The following CACNA1C variants were observed in gnomAD, a reference collection of about 807,000 sequenced individuals.
The protein encoded by CACNA1C is calcium voltage-gated channel subunit alpha1 C, also known as voltage-dependent L-type calcium channel subunit alpha-1C.
Under a neutral mutation model 229.0 loss-of-function variants are expected in CACNA1C, and 30 were observed. The observed-to-expected ratio is 0.13, with a 90% CI of 0.10 to 0.18. The LOEUF (loss-of-function observed/expected upper bound fraction) is 0.18, where lower values mean the gene tolerates loss of function less well. Among genes scored for constraint, CACNA1C ranks in the 10% least tolerant of loss-of-function variants. CACNA1C has a pLI of 1.00. For missense variants in CACNA1C, 1,658 were observed against 2,845.0 expected (o/e 0.58, Z 9.49); for synonymous variants, 1,114 against 1,132.5 (o/e 0.98, Z 0.33).
intron 1 of CACNA1C, among the ~76,000 whole-genome samples, chr12:1,989,283 G>A (rs533212238): frequency 6.6e-6 from 1 of 152,328 alleles, no homozygotes; most frequent in Non-Finnish European, 1.5e-5. Context: ...TTGCAATGAG[G>A]CTATGACCAA....
intron 3 of CACNA1C, among the ~76,000 whole-genome samples, chr12:2,312,421 C>T (rs2095486794): frequency 6.6e-6 from 1 of 152,130 alleles, no homozygotes; most frequent in Admixed American, 6.5e-5. Context: ...AGGCAACACC[C>T]ACAACAAAGC....
intron 4 of CACNA1C, among the ~76,000 whole-genome samples, chr12:2,451,539 G>T (rs2099369753): frequency 6.6e-6 from 1 of 152,216 alleles, no homozygotes; most frequent in Admixed American, 6.5e-5. Flanking sequence ...CGGGGGAGCA[G>T]AGACAAGAAA....
intron 3 of CACNA1C, among the ~76,000 whole-genome samples, chr12:2,399,612 CCTT>C (rs1229786234): frequency 6.6e-6 from 1 of 152,234 alleles, no homozygotes; most frequent in Non-Finnish European, 1.5e-5. Context: ...TCTCTTCTCT[CCTT>C]CTCTGCCACG....
At chr12:2,260,211 T>A (rs1315690037) in intron 3 of CACNA1C, among the ~76,000 whole-genome samples, 1 of 152,056 alleles carries the variant, frequency 6.6e-6, no homozygotes, top group East Asian at 1.9e-4. Context: ...GTACTGTGGC[T>A]CTCACTGGTT....
intron 3 of CACNA1C, among the ~76,000 whole-genome samples, chr12:2,146,933 G>A (rs1379550394): frequency 6.6e-6 from 1 of 151,074 alleles, no homozygotes; most frequent in Non-Finnish European, 1.5e-5. Flanking sequence ...GGGAAGCAGG[G>A]AAGAGAGGGG....
chr12:2,581,897 G>T, intron 14 of CACNA1C, 100 bp downstream of exon 14: 1 of 725,010 alleles, frequency 1.4e-6, no homozygotes, highest in East Asian at 2.7e-5. Context: ...GGCAGCCACA[G>T]CCATCCTAGA....
chr12:2,524,703 CG>C (rs910352654), intron 9 of CACNA1C, among the ~76,000 whole-genome samples: 24 of 152,226 alleles, frequency 1.6e-4, no homozygotes, highest in African/African-American at 5.8e-4. Flanking sequence ...TGCTCTGCAT[CG>C]GGCCAGCAGA....
intron 3 of CACNA1C, among the ~76,000 whole-genome samples, chr12:2,405,473 T>C (rs1222900771): frequency 1.3e-5 from 2 of 152,218 alleles, no homozygotes; most frequent in East Asian, 3.8e-4. Context: ...ATCTCTATAA[T>C]TTTGTCATTT....
At chr12:2,542,330 G>A (rs776553323) in intron 9 of CACNA1C, among the ~76,000 whole-genome samples, 3 of 152,140 alleles carry the variant, frequency 2.0e-5, no homozygotes, top group African/African-American at 4.8e-5. Flanking sequence ...CACAGCCTGC[G>A]GCAGATTCAC....
chr12:2,105,231 C>G (rs997267452), intron 1 of CACNA1C, among the ~76,000 whole-genome samples: 1 of 152,250 alleles, frequency 6.6e-6, no homozygotes, highest in African/African-American at 2.4e-5. Flanking sequence ...GCTCCAGGCT[C>G]TTTGCCTTCT....
chr12:2,687,905 C>T (rs3794284), intron 45 of CACNA1C, among the ~76,000 whole-genome samples: 10,731 of 152,284 alleles, frequency 0.07, 512 homozygotes, highest in East Asian at 0.15. Flanking sequence ...GAGCTAGAGA[C>T]TGGCAGGGCA....
At chr12:2,141,700 T>G (rs1190142985) in intron 3 of CACNA1C, among the ~76,000 whole-genome samples, 4 of 151,374 alleles carry the variant, frequency 2.6e-5, no homozygotes, top group Admixed American at 6.6e-5. Flanking sequence ...GGCCACTCCT[T>G]AGCGCCTCTG....
rs2053143580 is a variant in CACNA1C, at chr12:2,053,715, G to C, written c.49+104G>C. 6.1e-6 allele frequency: 6 copies of C among 989,784 alleles called. No individual in the cohort carries two copies. Among genetic ancestry groups the C allele is most frequent in the Non-Finnish European group, 6.3e-6 (5 of 791,228 alleles). 61.3% of individuals were successfully genotyped at this position (989,784 alleles called of 1,614,324 possible). On this transcript the variant is annotated intron_variant, in intron 1 of 46. Transcript: ENST00000399655. The surrounding 1 kb of genome is among the most constrained non-coding windows in gnomAD (Gnocchi z 5.8). ...CCCCGGGGCCGGTCCCTGCGGAGTG[G>C]CCCGGGGCCGCGTCCGCGAGGGGCG...
chr12:2,400,106 A>C (rs57722549), intron 3 of CACNA1C, among the ~76,000 whole-genome samples: 14,836 of 152,218 alleles, frequency 0.097, 807 homozygotes, highest in Middle Eastern at 0.15. Flanking sequence ...GGTACTTTGC[A>C]TTATCTCATT....
chr12:2,194,666 T>C (rs2097349044), intron 3 of CACNA1C, among the ~76,000 whole-genome samples: 1 of 152,066 alleles, frequency 6.6e-6, no homozygotes, highest in Non-Finnish European at 1.5e-5. Context: ...ACTGGAGAAG[T>C]TTTGGGCCTT....
intron 3 of CACNA1C, among the ~76,000 whole-genome samples, chr12:2,251,098 G>A (rs1270026923): frequency 2.6e-5 from 4 of 152,232 alleles, no homozygotes; most frequent in Non-Finnish European, 4.4e-5. Context: ...ATGTGTGTCT[G>A]CTCATATGAA....
chr12:2,553,225 G>T (rs142588920), intron 10 of CACNA1C, among the ~76,000 whole-genome samples: 1 of 152,214 alleles, frequency 6.6e-6, no homozygotes, highest in Non-Finnish European at 1.5e-5. Context: ...TCTCTGCAGA[G>T]GCTGGGGTGG....
chr12:2,526,765 C>G (rs1015567391), intron 9 of CACNA1C, among the ~76,000 whole-genome samples: 1 of 152,240 alleles, frequency 6.6e-6, no homozygotes, highest in Non-Finnish European at 1.5e-5. Context: ...CTACATGGCG[C>G]TGCAGAGAGC....
At chr12:2,573,941 TACTG>T (rs2057378673) in intron 13 of CACNA1C, among the ~76,000 whole-genome samples, 1 of 152,252 alleles carries the variant, frequency 6.6e-6, no homozygotes, top group Non-Finnish European at 1.5e-5. Flanking sequence ...ATTATTTACA[TACTG>T]ACATTTTTTG....
Sources: allele counts gnomAD v4.1 joint callset (sites outside exome capture counted in the v4.1 genomes callset), GRCh38; gene constraint gnomAD v4.1.1; non-coding constraint Gnocchi (gnomAD v3.1); transcripts MANE v1.5; gene names NCBI Gene and HGNC (gene_info 2026-07-23, HGNC 2026-07-21).